C10orf53: variants seen among roughly 807,000 people sequenced by gnomAD.
The protein encoded by C10orf53 is chromosome 10 open reading frame 53, also known as UPF0728 protein C10orf53.
A neutral mutation model predicts 9.4 loss-of-function variants in C10orf53; 8 were observed. The ratio of observed to expected loss-of-function variants is 0.85; its 90% CI spans 0.50 to 1.53. The LOEUF (loss-of-function observed/expected upper bound fraction) is 1.53. Among genes scored for constraint, C10orf53 ranks in the 40% most tolerant of loss-of-function variants. The probability of loss-of-function intolerance (pLI) is 0.00; values close to 1 mark genes in which losing one functional copy is unlikely to be tolerated. For synonymous variants in C10orf53, 48 were observed against 46.0 expected, an observed-to-expected ratio of 1.04 and a Z score of -0.18; for missense variants, 117 against 117.8, an observed-to-expected ratio of 0.99 and a Z score of 0.03.
At chr10:49,701,428 A>G (rs1334754426), downstream of C10orf53, among the ~76,000 whole-genome samples, 1 of 152,172 alleles carries the variant, frequency 6.6e-6, no homozygotes, top group Non-Finnish European at 1.5e-5. Context: ...TTTTACACTT[A>G]GAAGTATATT....
At chr10:49,701,172 C>T (rs1420688672), downstream of C10orf53, among the ~76,000 whole-genome samples, 1 of 152,154 alleles carries the variant, frequency 6.6e-6, no homozygotes, top group Admixed American at 6.5e-5. Flanking sequence ...CACTCAAATG[C>T]GTCTCTTGAG....
Position 49,694,603 on chromosome 10 carries a change from T to C in C10orf53, c.*1T>C. 1.2e-6 allele frequency: 2 copies of C among 1,614,200 alleles called. No individual in the cohort carries two copies. The highest frequency in any genetic ancestry group is 1.7e-6 in the Non-Finnish European group (2 of 1,180,026). ...GATAGCCGTGCTGAATGCCTACTGA[T>C]CTCCTCATGGAACAGGCATCTCAAG... is the stretch of plus-strand genomic sequence containing the variant. On this transcript the variant is annotated 3_prime_UTR_variant, in exon 3 of 3. Transcript: ENST00000374111.
chr10:49,684,738 G>A (rs1213072284), intron 1 of C10orf53, among the ~76,000 whole-genome samples: 5 of 152,048 alleles, frequency 3.3e-5, no homozygotes, highest in Non-Finnish European at 7.4e-5. Flanking sequence ...TCATTTATTA[G>A]CATTAACAAC....
intron 1 of C10orf53, among the ~76,000 whole-genome samples, chr10:49,693,176 T>G (rs1840600935): frequency 2.6e-5 from 4 of 152,232 alleles, no homozygotes; most frequent in Non-Finnish European, 5.9e-5. Context: ...CACATGGACA[T>G]TCCACCGTTT....
chr10:49,701,806 C>T (rs1840685529), downstream of C10orf53, among the ~76,000 whole-genome samples: 1 of 152,158 alleles, frequency 6.6e-6, no homozygotes, highest in African/African-American at 2.4e-5. Context: ...CTCTCCAGTG[C>T]CTCTGTGTGA....
At chr10:49,701,150 A>G (rs1019056273), downstream of C10orf53, among the ~76,000 whole-genome samples, 10 of 152,186 alleles carry the variant, frequency 6.6e-5, no homozygotes, top group African/African-American at 2.4e-4. Context: ...GGTACACTCC[A>G]GCGGAGGGCA....
chr10:49,696,520 T>C lies in C10orf53; in HGVS notation c.*1918T>C, dbSNP rs1840636243. ...CCAGCATCCGCCTCAACCCCGCAGG[T>C]TGTATTTGTGCCTTCAGAGTAGCAC... On this transcript the variant is annotated 3_prime_UTR_variant, in exon 3 of 3. Transcript: ENST00000374111. Among the ~76,000 whole-genome samples, 1 of 152,064 alleles carries C rather than the reference T, an allele frequency of 6.6e-6. No homozygotes were observed. The highest frequency in any genetic ancestry group is 2.4e-5 in the African/African-American group (1 of 41,392).
chr10:49,707,195 T>C (rs1157794346), intron 2 of C10orf53, among the ~76,000 whole-genome samples: 1 of 152,172 alleles, frequency 6.6e-6, no homozygotes, highest in Non-Finnish European at 1.5e-5. Context: ...CTACACACCC[T>C]ACAGTGTTTT....
At chr10:49,706,606 T>C (rs763456714) in intron 2 of C10orf53, among the ~76,000 whole-genome samples, 57 of 152,096 alleles carry the variant, frequency 3.7e-4, no homozygotes, top group Admixed American at 2.3e-3. Flanking sequence ...GAATAAGGTG[T>C]TTCTTTTTTT....
intron 1 of C10orf53, among the ~76,000 whole-genome samples, chr10:49,687,940 G>A (rs1448564598): frequency 6.6e-6 from 1 of 152,184 alleles, no homozygotes; most frequent in South Asian, 2.1e-4. Flanking sequence ...GGTGTGGGGT[G>A]GAATGAACTA....
Position 49,708,782 on chromosome 10 carries a change from C to T in C10orf53, c.*165C>T, listed in dbSNP as rs148824190. On this transcript the variant is annotated 3_prime_UTR_variant, in exon 3 of 3. Transcript: ENST00000374112. ...TGTCCCACAGGCAACCTGTGGCAAACCCAACGTGATTCTCCCCAGCTCTGA... is the reference window on the plus strand; with the variant it reads ...TGTCCCACAGGCAACCTGTGGCAAATCCAACGTGATTCTCCCCAGCTCTGA... 27 of 969,966 alleles carry T rather than the reference C, an allele frequency of 2.8e-5. No individual in the cohort carries two copies. The East Asian group carries it at 7.1e-4, about 25-fold the overall frequency. 60.1% of individuals were successfully genotyped at this position (969,966 alleles called of 1,614,324 possible). A position where few individuals can be genotyped will look rare whatever the true frequency, so the allele number is the denominator to read the frequency against.
At chr10:49,706,396 C>T (rs931312126) in intron 2 of C10orf53, among the ~76,000 whole-genome samples, 2 of 152,136 alleles carry the variant, frequency 1.3e-5, no homozygotes, top group Non-Finnish European at 2.9e-5. Flanking sequence ...GAATATTGTT[C>T]CACCATAAAA....
At chr10:49,702,271 C>T (rs1208689855), downstream of C10orf53, among the ~76,000 whole-genome samples, 2 of 150,000 alleles carry the variant, frequency 1.3e-5, no homozygotes, top group African/African-American at 5.0e-5. Flanking sequence ...GTGGTCAAAA[C>T]CAGTGGGAAG....
At chr10:49,694,131 G>A in intron 2 of C10orf53, 5 of 617,218 alleles carry the variant, frequency 8.1e-6, no homozygotes, top group Middle Eastern at 4.2e-4. Context: ...GAAGGAAAAT[G>A]AAGTGAAGCC....
rs536357544 is a variant in C10orf53, at chr10:49,704,729, G to A, written c.218-3632G>A. On this transcript the variant is annotated intron_variant, in intron 2 of 2. Transcript: ENST00000374112. ...ACTGCACTCCACCCTGGGTGGCAGA[G>A]CGAGACTCTGTCTCAAAAAATTAAA... Among the ~76,000 whole-genome samples the A allele has an allele frequency of 9.9e-5, 15 of 152,284 alleles. 1 individual carries two copies. The East Asian group carries it at 2.9e-3, about 29-fold the overall frequency.
intron 1 of C10orf53, among the ~76,000 whole-genome samples, chr10:49,690,514 TACCATGC>T (rs1447819234): frequency 6.6e-6 from 1 of 152,236 alleles, no homozygotes; most frequent in African/African-American, 2.4e-5. Flanking sequence ...TTTCTGAACT[TACCATGC>T]CTTTAGCAAT....
intron 1 of C10orf53, among the ~76,000 whole-genome samples, chr10:49,691,804 C>G (rs977037411): frequency 6.6e-6 from 1 of 152,212 alleles, no homozygotes; most frequent in African/African-American, 2.4e-5. Context: ...GGCCTCCACC[C>G]GTAGGGCTGC....
At chr10:49,699,658 A>C (rs1192135542), downstream of C10orf53, among the ~76,000 whole-genome samples, 2 of 152,100 alleles carry the variant, frequency 1.3e-5, no homozygotes, top group African/African-American at 4.8e-5. Flanking sequence ...CATTTTCCAC[A>C]TTAATTCCAC....
chr10:49,708,916 T>C, exon 3 of C10orf53: 2 of 364,604 alleles, frequency 5.5e-6, no homozygotes, highest in Non-Finnish European at 9.9e-6. Context: ...TGATCTGCCC[T>C]TTTCTCAACA....
Sources: gnomAD v4.1 joint callset for allele counts (sites outside exome capture counted in the v4.1 genomes callset) on GRCh38, gnomAD v4.1.1 for gene constraint, MANE v1.5 for transcripts, NCBI Gene and HGNC (gene_info 2026-07-23, HGNC 2026-07-21) for gene names.